Variants in FAM120AOS observed in about 807,000 individuals in gnomAD.
The protein encoded by FAM120AOS is uncharacterized protein FAM120AOS.
In FAM120AOS, 15 loss-of-function variants were observed where a neutral mutation model predicts 20.2. That is an observed-to-expected ratio of 0.74 (90% CI 0.50 to 1.15). The LOEUF (loss-of-function observed/expected upper bound fraction) is 1.15. Among genes scored for constraint, FAM120AOS ranks in the 50% most tolerant of loss-of-function variants. The pLI is 0.00. For synonymous variants in FAM120AOS, 154 were observed against 154.0 expected (o/e 1.00, Z 0.00); for missense variants, 327 against 351.9 (o/e 0.93, Z 0.57).
Position 93,452,336 on chromosome 9 carries a change from C to T in FAM120AOS, c.374G>A (p.Gly125Asp). The stretch of plus-strand genomic sequence containing the variant: ...GCCGCCAAAGGTCTGGTTCCTGCCG[C>T]CCGTCTGCATGGCCCACTGCATCCG... Reference protein sequence around the residue: ...ARRMQWAMQTGGRNQTFGGGV... With the variant: ...ARRMQWAMQTDGRNQTFGGGV... The change falls in exon 1 of 3, where the codon GGC (glycine) becomes GAC (aspartate). Residue 125 changes from glycine to aspartate, a missense_variant. Gly to Asp is a moderately conservative substitution (Grantham distance 94). This residue lies in a region of FAM120AOS where 86 missense variants were observed against 140.2 expected (regional missense o/e 0.61). Coordinates refer to ENST00000375412, the MANE Select transcript of FAM120AOS (RefSeq NM_198841.4). The surrounding 1 kb of genome is among the most constrained non-coding windows in gnomAD (Gnocchi z 7.0). 1.2e-6 allele frequency: 2 copies of T among 1,612,946 alleles called. No individual in the cohort carries two copies. Among genetic ancestry groups the T allele is most frequent in the Non-Finnish European group, 1.7e-6 (2 of 1,179,856 alleles).
In FAM120AOS at chr9:93,444,717, G is replaced by T. The variant is rs3924389; in HGVS notation, c.*2894C>A. 5.9e-5 allele frequency among the ~76,000 whole-genome samples: 9 copies of T among 151,658 alleles called. No individual in the cohort carries two copies. The highest frequency in any genetic ancestry group is 2.0e-4 in the Admixed American group (3 of 15,230). ...GCAACCTCCGCCTCCCAGGTTCAAG[G>T]GATTCTTCTGCCTCAGCCTCCCTAG... On this transcript the variant is annotated 3_prime_UTR_variant, in exon 3 of 3. Transcript: ENST00000375412.
At chr9:93,450,017 G>A (rs1193279380) in intron 2 of FAM120AOS, among the ~76,000 whole-genome samples, 1 of 151,726 alleles carries the variant, frequency 6.6e-6, no homozygotes, top group Non-Finnish European at 1.5e-5. Context: ...ACGGAATCTC[G>A]CTTTTTGCCC....
chr9:93,443,631 G>A lies in FAM120AOS; in HGVS notation c.*3980C>T, dbSNP rs952687732. Among the ~76,000 whole-genome samples, 7 of 152,168 alleles carry A rather than the reference G, an allele frequency of 4.6e-5. No homozygotes were observed. The highest frequency in any genetic ancestry group is 2.1e-4 in the South Asian group (1 of 4,830). On this transcript the variant is annotated 3_prime_UTR_variant, in exon 3 of 3. Coordinates refer to ENST00000375412, the MANE Select transcript of FAM120AOS (RefSeq NM_198841.4). ...GTTAGCCTTAGTCTGCAGGTCCTGC[G>A]TTGCCTTCTGTTTGGTGGTGGTGGT...
Position 93,452,245 on chromosome 9 carries a change from G to A in FAM120AOS, c.465C>T (p.Arg155=). 1 of 1,611,140 alleles carries A rather than the reference G, an allele frequency of 6.2e-7. No individual in the cohort carries two copies. Among genetic ancestry groups the A allele is most frequent in the Non-Finnish European group, 8.5e-7 (1 of 1,179,436 alleles). The change falls in exon 1 of 3, where the codon CGC becomes CGT. Residue 155 remains arginine, a synonymous_variant. Coordinates refer to ENST00000375412, the MANE Select transcript of FAM120AOS (RefSeq NM_198841.4). This position sits in a 1 kb window ranked among gnomAD's most constrained non-coding sequence, Gnocchi z 7.0. ...AGGCCCGGCTGCACGAGTGGGTCAA[G>A]CGGCAGGGCAACGAGCGCCAGACGG... The part of the protein sequence containing the change: ...CCAVWRSLPC[R]LTHSCSRAFS...
rs1298469106 is a variant in FAM120AOS at position 93,452,050 on chromosome 9, C to T, written c.563+97G>A. 1 of 1,583,696 alleles carries T rather than the reference C, an allele frequency of 6.3e-7. No individual in the cohort carries two copies. On this transcript the variant is annotated intron_variant, in intron 1 of 2. Transcript: ENST00000375412. This position sits in a 1 kb window ranked among gnomAD's most constrained non-coding sequence, Gnocchi z 7.0. The stretch of plus-strand genomic sequence containing the variant: ...AGCGGCCCCCGCAGACCCCGCTGCG[C>T]CTGCTGGTGGACGCCGACAACTGCC...
chr9:93,445,627 T>C lies in FAM120AOS; in HGVS notation c.*1984A>G, dbSNP rs1285494885. On this transcript the variant is annotated 3_prime_UTR_variant, in exon 3 of 3. Coordinates refer to ENST00000375412, the MANE Select transcript of FAM120AOS (RefSeq NM_198841.4). ...TTTTTTGAGACAAGGCCTCACTCTGTTGCCCAGGCTGGAGTGCAAGTGGTG... is the reference window on the plus strand; with the variant it reads ...TTTTTTGAGACAAGGCCTCACTCTGCTGCCCAGGCTGGAGTGCAAGTGGTG... Among the ~76,000 whole-genome samples, 2 of 146,668 alleles carry C rather than the reference T, an allele frequency of 1.4e-5. No individual in the cohort carries two copies. The highest frequency in any genetic ancestry group is 5.1e-5 in the African/African-American group (2 of 39,238).
At position 93,451,758 on chromosome 9, in the gene FAM120AOS, C is replaced by G. The variant is rs1015700828; in HGVS notation, c.563+389G>C. The G allele has an allele frequency of 4.1e-6, 4 of 982,750 alleles. No homozygotes were observed. In the African/African-American group the frequency reaches 7.1e-5, roughly 17 times the overall value. The allele number at this position is 982,750 out of a possible 1,614,324, so 60.9% of individuals were successfully genotyped here. On this transcript the variant is annotated intron_variant, in intron 1 of 2. Transcript: ENST00000375412. ...GACATGGCCCTGGGAGGCGGCAGCA[C>G]ATGGCGGCCGCGGCGGCCATGAGCG...
rs1427911084 is a variant in FAM120AOS, at chr9:93,447,400, A to C, written c.*211T>G. 5.4e-6 allele frequency: 3 copies of C among 552,688 alleles called. No homozygotes were observed. The South Asian group carries it at 6.7e-5, about 12-fold the overall frequency. The allele number at this position is 552,688 out of a possible 1,614,324, so 34.2% of individuals were successfully genotyped here. On this transcript the variant is annotated 3_prime_UTR_variant, in exon 3 of 3. Coordinates refer to ENST00000375412, the MANE Select transcript of FAM120AOS (RefSeq NM_198841.4). ...TTGACTCTACTCTGACTTAGGACAT[A>C]TCACTTTCCTCTCTTGACCTTCACA... is the stretch of plus-strand genomic sequence containing the variant.
chr9:93,451,323 C>A, intron 1 of FAM120AOS: 2 of 1,439,832 alleles, frequency 1.4e-6, no homozygotes, highest in Non-Finnish European at 1.8e-6. Context: ...CGAGCTCTTC[C>A]CCAGGACCTG....
At position 93,453,129 on chromosome 9, in the gene FAM120AOS, A is replaced by C. The variant is rs1439932754; in HGVS notation, c.-420T>G. On this transcript the variant is annotated 5_prime_UTR_variant, in exon 1 of 3. Coordinates refer to ENST00000375412, the MANE Select transcript of FAM120AOS (RefSeq NM_198841.4). Reference sequence around the variant, plus strand: ...TCTTTAAGGCAGTTCGGTTTTGTAGATCCCATGCGAAAGGAGTCGCTCAAA... The same window carrying C: ...TCTTTAAGGCAGTTCGGTTTTGTAGCTCCCATGCGAAAGGAGTCGCTCAAA... The C allele has an allele frequency of 9.9e-7, 1 of 1,006,476 alleles. No individual in the cohort carries two copies. Among genetic ancestry groups the C allele is most frequent in the Non-Finnish European group, 1.2e-6 (1 of 844,158 alleles). 62.3% of individuals were successfully genotyped at this position (1,006,476 alleles called of 1,614,324 possible).
intron 2 of FAM120AOS, among the ~76,000 whole-genome samples, chr9:93,449,377 G>C (rs978269492): frequency 6.6e-6 from 1 of 151,856 alleles, no homozygotes; most frequent in African/African-American, 2.4e-5. Flanking sequence ...TTTTTGCAAG[G>C]GCACAGACTT....
chr9:93,450,430 T>C (rs1384028114), intron 2 of FAM120AOS, 49 bp downstream of exon 2: 2 of 1,528,504 alleles, frequency 1.3e-6, no homozygotes, highest in African/African-American at 2.8e-5. Flanking sequence ...TGATACTGGC[T>C]TGCATTTGAG....
chr9:93,451,982 C>A (rs1310149346), intron 1 of FAM120AOS, 165 bp downstream of exon 1: 3 of 1,545,388 alleles, frequency 1.9e-6, no homozygotes, highest in Non-Finnish European at 2.6e-6. Flanking sequence ...GCCGGTGGAG[C>A]TGCAGAAGCT....
rs1397589616 is a variant in FAM120AOS, at chr9:93,443,804, C to T, written c.*3807G>A. Among the ~76,000 whole-genome samples the T allele has an allele frequency of 6.6e-6, 1 of 152,172 alleles. No individual in the cohort carries two copies. Among genetic ancestry groups the T allele is most frequent in the Non-Finnish European group, 1.5e-5 (1 of 68,036 alleles). Reference sequence around the variant, plus strand: ...CTCTTCAGGATTTCCCCCCAGACTCCCTGGCACCCAGGGGGCCCCTTTTCC... The same window carrying T: ...CTCTTCAGGATTTCCCCCCAGACTCTCTGGCACCCAGGGGGCCCCTTTTCC... On this transcript the variant is annotated 3_prime_UTR_variant, in exon 3 of 3. Transcript: ENST00000375412.
Position 93,452,545 on chromosome 9 carries a change from GAT to G in FAM120AOS, c.163_164del (p.Ile55LeufsTer137). 6.3e-7 allele frequency: 1 copy of G among 1,577,404 alleles called. No homozygotes were observed. Among genetic ancestry groups the G allele is most frequent in the Non-Finnish European group, 8.6e-7 (1 of 1,168,116 alleles). The part of the protein sequence containing the change: ...AARGLHPRPS[I>X]LQPGPARLSR... ...ATAGCCTGGCCGGGCCGGGCTGCAA[GAT>G]GGATGGCCGCGGGTGCAGGCCGCGC... On this transcript the variant is annotated frameshift_variant, in exon 1 of 3. Coordinates refer to ENST00000375412, the MANE Select transcript of FAM120AOS (RefSeq NM_198841.4). LOFTEE classifies it high-confidence loss of function. This position sits in a 1 kb window ranked among gnomAD's most constrained non-coding sequence, Gnocchi z 7.0.
chr9:93,445,012 C>CA lies in FAM120AOS; in HGVS notation c.*2598dup, dbSNP rs1285568102. On this transcript the variant is annotated 3_prime_UTR_variant, in exon 3 of 3. Transcript: ENST00000375412. ...GGTATTAAATAAATGGAAAAAAAGA[C>CA]AAACGGTACAAATTAAAAGTTCTTG... 2.6e-5 allele frequency among the ~76,000 whole-genome samples: 4 copies of CA among 152,130 alleles called. No homozygotes were observed. Among genetic ancestry groups the CA allele is most frequent in the Non-Finnish European group, 5.9e-5 (4 of 68,020 alleles).
chr9:93,452,467 C>T lies in FAM120AOS; in HGVS notation c.243G>A (p.Ala81=), dbSNP rs372565267. The T allele has an allele frequency of 2.6e-6, 4 of 1,547,596 alleles. No homozygotes were observed. The African/African-American group carries it at 5.4e-5, about 21-fold the overall frequency. Residue 81 remains alanine (A), a synonymous_variant, in exon 1 of 3, where the codon GCG becomes GCA. Transcript: ENST00000375412. The surrounding 1 kb of genome is among the most constrained non-coding windows in gnomAD (Gnocchi z 7.0). ...TCCCCCTTCCCAGGGCGCAGAATGT[C>T]GCCCGGCCGTGGCGGCGCTGGGGGC... ...TRCPQRRHGR[A]TFCALGRGIG...
chr9:93,453,374 C>G lies in FAM120AOS; in HGVS notation c.-665G>C, dbSNP rs1443737934. The G allele has an allele frequency of 3.0e-6, 3 of 985,366 alleles. No homozygotes were observed. The highest frequency in any genetic ancestry group is 3.6e-6 in the Non-Finnish European group (3 of 829,998). 61.0% of individuals were successfully genotyped at this position (985,366 alleles called of 1,614,324 possible). On this transcript the variant is annotated 5_prime_UTR_variant, in exon 1 of 3. Coordinates refer to ENST00000375412, the MANE Select transcript of FAM120AOS (RefSeq NM_198841.4). ...CTGTGAAGATAAGCACATCCATGAT[C>G]CTGGACTTCACGTTCTGATTGCTTG...
Position 93,453,417 on chromosome 9 carries a change from C to A in FAM120AOS, c.-708G>T. 5 of 985,394 alleles carry A rather than the reference C, an allele frequency of 5.1e-6. No individual in the cohort carries two copies. The highest frequency in any genetic ancestry group is 6.0e-6 in the Non-Finnish European group (5 of 829,944). 61.0% of individuals were successfully genotyped at this position (985,394 alleles called of 1,614,324 possible). On this transcript the variant is annotated 5_prime_UTR_variant, in exon 1 of 3. Coordinates refer to ENST00000375412, the MANE Select transcript of FAM120AOS (RefSeq NM_198841.4). The stretch of plus-strand genomic sequence containing the variant: ...ATTGCTTGCTTTTTTCATTGGTTTT[C>A]TTGAAAACAAATTTTGGGGGCCTTT...
Sources: gnomAD v4.1 joint callset for allele counts (sites outside exome capture counted in the v4.1 genomes callset) on GRCh38, gnomAD v4.1.1 for gene constraint, gnomAD v4.1.1 regional missense constraint, Gnocchi (gnomAD v3.1) non-coding constraint, MANE v1.5 for transcripts, NCBI Gene and HGNC (gene_info 2026-07-23, HGNC 2026-07-21) for gene names.